The following MTA3 variants were observed in gnomAD, a reference collection of about 807,000 sequenced individuals.
MTA3 encodes the protein metastasis associated 1 family member 3.
MTA3 carries 34 observed loss-of-function variants against 83.5 expected under a neutral mutation model. That is an observed-to-expected ratio of 0.41 (90% CI 0.31 to 0.54). The LOEUF (loss-of-function observed/expected upper bound fraction) is 0.54, where lower values mean the gene tolerates loss of function less well. MTA3 is among the 20% of genes least tolerant of loss of function. MTA3 has a pLI of 0.33. For missense variants in MTA3, 761 were observed against 726.4 expected (o/e 1.05, Z -0.55); for synonymous variants, 303 against 252.7 (o/e 1.20, Z -1.89).
chr2:42,638,185 A>G (rs1488580763), intron 4 of MTA3, among the ~76,000 whole-genome samples: 3 of 152,162 alleles, frequency 2.0e-5, no homozygotes, highest in Non-Finnish European at 4.4e-5. Context: ...AATGTTAGAA[A>G]TATTGCTTTG....
chr2:42,653,051 T>C (rs951336570), intron 6 of MTA3, among the ~76,000 whole-genome samples: 1 of 152,250 alleles, frequency 6.6e-6, no homozygotes, highest in Non-Finnish European at 1.5e-5. Flanking sequence ...AGAAGTACTT[T>C]GTCAGTATTT....
At chr2:42,753,323 C>T (rs1034053964) in intron 16 of MTA3, 51 bp from the exon 17 acceptor site, 11 of 1,549,874 alleles carry the variant, frequency 7.1e-6, no homozygotes, top group Non-Finnish European at 9.6e-6. Context: ...TTCATCTTGC[C>T]TCCACCATCG....
intron 3 of MTA3, among the ~76,000 whole-genome samples, chr2:42,586,104 C>G (rs1266430831): frequency 6.6e-6 from 1 of 151,370 alleles, no homozygotes; most frequent in Non-Finnish European, 1.5e-5. Flanking sequence ...GTGGTGAAAC[C>G]CTTTGTCTAC....
intron 4 of MTA3, among the ~76,000 whole-genome samples, chr2:42,616,572 CTTT>C (rs70963338): frequency 7.1e-5 from 4 of 56,212 alleles, no homozygotes; most frequent in Non-Finnish European, 9.1e-5. Flanking sequence ...TCTTCTTCTT[CTTT>C]TTTTTTTTTT....
intron 6 of MTA3, among the ~76,000 whole-genome samples, chr2:42,654,253 G>A (rs1009557855): frequency 1.3e-5 from 2 of 152,200 alleles, no homozygotes; most frequent in Admixed American, 1.3e-4. Context: ...AGAGGCTGCA[G>A]ATGGAATGCC....
chr2:42,675,202 C>T lies in MTA3; in HGVS notation c.703-7199C>T, dbSNP rs192855293. ...CCCAGCTGGAGTGCAATGGTGACGT[C>T]TCTGCTCACTGCAACAGCCGCCTCC... On this transcript the variant is annotated intron_variant, in intron 8 of 16. Transcript: ENST00000405094. 2.5e-3 allele frequency among the ~76,000 whole-genome samples: 374 copies of T among 152,062 alleles called. 1 individual carries two copies. The highest frequency in any genetic ancestry group is 6.6e-3 in the Admixed American group (100 of 15,260).
chr2:42,722,476 G>A (rs6721943), intron 15 of MTA3, among the ~76,000 whole-genome samples: 3 of 152,032 alleles, frequency 2.0e-5, no homozygotes, highest in East Asian at 3.9e-4. Flanking sequence ...GTTCGCATAC[G>A]TGACATGGTG....
At chr2:42,729,086 G>GTTTTTTGT (rs1430675726) in intron 16 of MTA3, among the ~76,000 whole-genome samples, 2,946 of 60,108 alleles carry the variant, frequency 0.049, 784 homozygotes, top group African/African-American at 0.16. Context: ...CACAGTTTGA[G>GTTTTTTGT]TTTTTTTTTT....
intron 3 of MTA3, among the ~76,000 whole-genome samples, chr2:42,603,133 G>A (rs1262318272): frequency 1.3e-5 from 2 of 149,448 alleles, no homozygotes; most frequent in Non-Finnish European, 3.0e-5. Flanking sequence ...TTTGCTGGGG[G>A]TAGGGTGGAA....
At chr2:42,644,392 A>AAAAT (rs894981759) in intron 6 of MTA3, 148 bp downstream of exon 6, 3 of 535,874 alleles carry the variant, frequency 5.6e-6, no homozygotes, top group African/African-American at 2.0e-5. Flanking sequence ...TAAAAAATAA[A>AAAAT]AAATAAATAA....
intron 16 of MTA3, among the ~76,000 whole-genome samples, chr2:42,738,615 A>G (rs952591522): frequency 3.3e-5 from 5 of 152,240 alleles, no homozygotes; most frequent in Non-Finnish European, 5.9e-5. Context: ...GATAACAGCA[A>G]TTGTTCAGGG....
chr2:42,595,953 T>A (rs1455723564), intron 3 of MTA3, among the ~76,000 whole-genome samples: 1 of 152,194 alleles, frequency 6.6e-6, no homozygotes, highest in East Asian at 1.9e-4. Context: ...AGCATTTGTC[T>A]GTGATTCATT....
chr2:42,568,922 A>T, intron 1 of MTA3, 149 bp downstream of exon 1: 1 of 776,082 alleles, frequency 1.3e-6, no homozygotes, highest in Non-Finnish European at 1.7e-6. Flanking sequence ...AGGGGCCGGG[A>T]CTCCCCACCC....
chr2:42,665,358 C>T (rs989567339), intron 8 of MTA3, among the ~76,000 whole-genome samples: 1 of 151,896 alleles, frequency 6.6e-6, no homozygotes, highest in African/African-American at 2.4e-5. Context: ...TGCCACTGCA[C>T]TTCAGCCTGG....
At chr2:42,611,814 GAAAT>G (rs1330805486) in intron 4 of MTA3, among the ~76,000 whole-genome samples, 1 of 152,062 alleles carries the variant, frequency 6.6e-6, no homozygotes, top group Non-Finnish European at 1.5e-5. Context: ...GACCCTATGT[GAAAT>G]AAATAATAAA....
intron 3 of MTA3, among the ~76,000 whole-genome samples, chr2:42,583,102 G>C (rs966307501): frequency 6.6e-6 from 1 of 152,130 alleles, no homozygotes; most frequent in African/African-American, 2.4e-5. Flanking sequence ...AGACACCCAT[G>C]TTGATGTGAG....
At position 42,640,218 on chromosome 2, in the gene MTA3, G is replaced by C. The variant is rs1329176134; in HGVS notation, c.363G>C (p.Leu121Phe). The C allele has an allele frequency of 1.9e-6, 3 of 1,606,888 alleles. No homozygotes were observed. The highest frequency in any genetic ancestry group is 2.5e-6 in the Non-Finnish European group (3 of 1,177,326). Residue 121 changes from leucine (L) to phenylalanine (F), a missense_variant, in exon 5 of 17, where the codon TTG becomes TTC. Coordinates refer to ENST00000405094, the MANE Select transcript of MTA3 (RefSeq NM_001330442.2). Reference sequence around the variant, plus strand: ...TTCTGAATGAGACAGAATCAGTATTGTCATATCTTGATAAGGAGGTAATTC... The same window carrying C: ...TTCTGAATGAGACAGAATCAGTATTCTCATATCTTGATAAGGAGGTAATTC... ...VALLNETESV[L>F]SYLDKEDTFF...
intron 2 of MTA3, among the ~76,000 whole-genome samples, chr2:42,502,433 T>C (rs1674438021): frequency 6.6e-6 from 1 of 152,260 alleles, no homozygotes; most frequent in East Asian, 1.9e-4. Context: ...TGTGCAGATG[T>C]TATCTTTACT....
chr2:42,571,739 G>A (rs1369541546), intron 2 of MTA3, among the ~76,000 whole-genome samples: 1 of 149,596 alleles, frequency 6.7e-6, no homozygotes, highest in South Asian at 2.1e-4. Flanking sequence ...CCTGAGGTTG[G>A]GAGTTTGAGA....
Sources: gnomAD v4.1 joint callset for allele counts (sites outside exome capture counted in the v4.1 genomes callset) on GRCh38, gnomAD v4.1.1 for gene constraint, MANE v1.5 for transcripts, NCBI Gene and HGNC (gene_info 2026-07-23, HGNC 2026-07-21) for gene names.